Variants in ITFG1 observed in about 807,000 individuals in gnomAD.
ITFG1 encodes the protein T-cell immunomodulatory protein.
ITFG1 carries 34 observed loss-of-function variants against 81.8 expected under a neutral mutation model. The ratio of observed to expected loss-of-function variants is 0.42; its 90% CI spans 0.32 to 0.55. The LOEUF is 0.55. ITFG1 is among the 20% of genes least tolerant of loss of function. The pLI is 0.17. For synonymous variants in ITFG1, 285 were observed against 270.6 expected (o/e 1.05, Z -0.52); for missense variants, 672 against 755.4 (o/e 0.89, Z 1.29).
At chr16:47,379,453 C>T (rs901075841) in intron 6 of ITFG1, among the ~76,000 whole-genome samples, 5 of 151,918 alleles carry the variant, frequency 3.3e-5, no homozygotes, top group South Asian at 2.1e-4. Flanking sequence ...TTTGAGAGGC[C>T]GAGGCGGGCA....
intron 14 of ITFG1, among the ~76,000 whole-genome samples, chr16:47,173,609 A>T (rs1038580434): frequency 8.5e-5 from 13 of 152,238 alleles, no homozygotes; most frequent in Non-Finnish European, 1.5e-4. Context: ...AATATTTTAT[A>T]ATAAATACAT....
intron 12 of ITFG1, 135 bp downstream of exon 12, chr16:47,258,497 T>C (rs1260663625): frequency 3.5e-6 from 2 of 566,674 alleles, no homozygotes; most frequent in East Asian, 6.9e-5. Context: ...GGGGTCTATG[T>C]ATATAGACAG....
chr16:47,268,467 T>G (rs748275602), intron 10 of ITFG1, among the ~76,000 whole-genome samples: 1 of 152,172 alleles, frequency 6.6e-6, no homozygotes, highest in Non-Finnish European at 1.5e-5. Context: ...ACAAACTCTT[T>G]AGAAAATAGA....
intron 6 of ITFG1, among the ~76,000 whole-genome samples, chr16:47,416,840 G>T (rs770943667): frequency 5.3e-5 from 8 of 152,098 alleles, no homozygotes; most frequent in Non-Finnish European, 1.2e-4. Flanking sequence ...AACACAAAAG[G>T]ACTAACACAG....
chr16:47,401,618 G>GGTAA (rs2151599422), intron 6 of ITFG1, among the ~76,000 whole-genome samples: 1 of 152,324 alleles, frequency 6.6e-6, no homozygotes, highest in East Asian at 1.9e-4. Flanking sequence ...GTGTGTCCAT[G>GGTAA]GGACTGGGTG....
At chr16:47,409,404 ATTTTTTTTTTTT>A (rs1187071917) in intron 6 of ITFG1, among the ~76,000 whole-genome samples, 2 of 6,102 alleles carry the variant, frequency 3.3e-4, no homozygotes, top group African/African-American at 5.4e-4. Context: ...ATATATATAT[ATTTTTTTTTTTT>A]TTTTTTTTTT....
chr16:47,329,111 T>A (rs1202707823), intron 8 of ITFG1, among the ~76,000 whole-genome samples: 1 of 152,314 alleles, frequency 6.6e-6, no homozygotes, highest in South Asian at 2.1e-4. Flanking sequence ...GATGGTAAAG[T>A]AATATCATTG....
At chr16:47,443,569 T>G (rs575043426) in intron 5 of ITFG1, among the ~76,000 whole-genome samples, 1 of 152,020 alleles carries the variant, frequency 6.6e-6, no homozygotes, top group Non-Finnish European at 1.5e-5. Flanking sequence ...TATGCAGACA[T>G]AAAAAATGAT....
In ITFG1 at chr16:47,460,483, T is replaced by C. The variant is rs532724792; in HGVS notation, c.208+355A>G. ...AATGAGTGGGCCTTGGGAGCGAACG[T>C]TGAGGCAAGCTACAAAGATTCCTAG... On this transcript the variant is annotated intron_variant, in intron 1 of 17. Transcript: ENST00000320640. Among the ~76,000 whole-genome samples the C allele has an allele frequency of 1.2e-3, 183 of 152,160 alleles. 1 individual carries two copies. The highest frequency in any genetic ancestry group is 2.0e-3 in the Non-Finnish European group (133 of 67,970).
chr16:47,341,632 A>G (rs1366008067), intron 8 of ITFG1, among the ~76,000 whole-genome samples: 1 of 151,234 alleles, frequency 6.6e-6, no homozygotes, highest in Non-Finnish European at 1.5e-5. Context: ...AGAAAGATAA[A>G]GAAAACGGGA....
rs146776826 is a variant in ITFG1 at position 47,338,284 on chromosome 16, G to A, written c.803-24461C>T. On this transcript the variant is annotated intron_variant, in intron 8 of 17. Coordinates refer to ENST00000320640, the MANE Select transcript of ITFG1 (RefSeq NM_030790.5). The stretch of plus-strand genomic sequence containing the variant: ...ACATTGGCCAGGAGCGGTGGCAGGC[G>A]CGCATAATCCCTACTCGGGAGGCTG... 3.4e-3 allele frequency among the ~76,000 whole-genome samples: 524 copies of A among 152,118 alleles called. 5 individuals carry two copies. The highest frequency in any genetic ancestry group is 0.023 in the East Asian group (119 of 5,166).
At chr16:47,312,871 A>G (rs893822745) in intron 9 of ITFG1, 2 of 152,226 alleles carry the variant, frequency 1.3e-5, no homozygotes, top group African/African-American at 4.8e-5. Context: ...ATATTCTTAC[A>G]GTAGTCTGTC....
chr16:47,327,680 C>T (rs1159576337), intron 8 of ITFG1, among the ~76,000 whole-genome samples: 1 of 152,226 alleles, frequency 6.6e-6, no homozygotes, highest in Non-Finnish European at 1.5e-5. Flanking sequence ...TGAACAGACA[C>T]TTCTCAAAAG....
At chr16:47,229,829 T>A in intron 13 of ITFG1, among the ~76,000 whole-genome samples, 1 of 152,168 alleles carries the variant, frequency 6.6e-6, no homozygotes, top group South Asian at 2.1e-4. Flanking sequence ...GTGGTTGAGA[T>A]CACTTAAAGA....
chr16:47,215,522 CGTTA>C (rs762167203), intron 14 of ITFG1, among the ~76,000 whole-genome samples: 14 of 152,118 alleles, frequency 9.2e-5, no homozygotes, highest in Non-Finnish European at 1.3e-4. Context: ...TAGTAACATA[CGTTA>C]GTTTGTTTAT....
intron 14 of ITFG1, among the ~76,000 whole-genome samples, chr16:47,201,073 T>C (rs527975541): frequency 1.3e-5 from 2 of 152,332 alleles, no homozygotes; most frequent in Admixed American, 6.5e-5. Flanking sequence ...ATTTGTTCTC[T>C]ACAGATTTAA....
At chr16:47,403,812 GGAGA>G (rs1968694047) in intron 6 of ITFG1, among the ~76,000 whole-genome samples, 1 of 119,208 alleles carries the variant, frequency 8.4e-6, no homozygotes, top group Admixed American at 8.2e-5. Context: ...ACACACAGAG[GGAGA>G]GACAGAAACG....
At chr16:47,451,306 C>A in intron 5 of ITFG1, 90 bp downstream of exon 5, 1 of 687,962 alleles carries the variant, frequency 1.5e-6, no homozygotes, top group Non-Finnish European at 2.5e-6. Context: ...TCTTTAAAAA[C>A]AAGGATTCCA....
At chr16:47,288,455 G>A (rs1966878623) in intron 10 of ITFG1, among the ~76,000 whole-genome samples, 1 of 152,126 alleles carries the variant, frequency 6.6e-6, no homozygotes, top group Admixed American at 6.6e-5. Flanking sequence ...CTCAGTGGCA[G>A]GACTGCTGGA....
Sources: gnomAD v4.1 joint callset for allele counts (sites outside exome capture counted in the v4.1 genomes callset) on GRCh38, gnomAD v4.1.1 for gene constraint, MANE v1.5 for transcripts, NCBI Gene and HGNC (gene_info 2026-07-23, HGNC 2026-07-21) for gene names.